ESRRG: variants seen among roughly 807,000 people sequenced by gnomAD.
The protein encoded by ESRRG is estrogen related receptor gamma, also known as estrogen-related receptor gamma.
A neutral mutation model predicts 44.0 loss-of-function variants in ESRRG; 13 were observed. The observed-to-expected ratio is 0.30, with a 90% CI of 0.19 to 0.47. The LOEUF is 0.47. Ranked by LOEUF, ESRRG falls within the 20% of genes least tolerant of loss-of-function variation. The probability of loss-of-function intolerance (pLI) is 1.00; values close to 1 mark genes in which losing one functional copy is unlikely to be tolerated. For missense variants in ESRRG, 395 were observed against 580.6 expected, an observed-to-expected ratio of 0.68 and a Z score of 3.29; for synonymous variants, 215 against 214.6, an observed-to-expected ratio of 1.00 and a Z score of -0.02.
intron 2 of ESRRG, among the ~76,000 whole-genome samples, chr1:216,733,546 T>G (rs2089282223): frequency 6.6e-6 from 1 of 152,206 alleles, no homozygotes; most frequent in South Asian, 2.1e-4. Context: ...TGTTTATTTT[T>G]ACCATACTTA....
At chr1:217,040,211 G>A (rs533230151) in intron 1 of ESRRG, among the ~76,000 whole-genome samples, 1 of 152,242 alleles carries the variant, frequency 6.6e-6, no homozygotes, top group South Asian at 2.1e-4. Flanking sequence ...TGCAAAATGG[G>A]TTATTTAGAC....
chr1:216,568,017 G>A lies in ESRRG; in HGVS notation c.671C>T (p.Pro224Leu), dbSNP rs1409902413. The A allele has an allele frequency of 6.2e-7, 1 of 1,613,246 alleles. No individual in the cohort carries two copies. Residue 224 changes from proline (P) to leucine (L), a missense_variant, in exon 4 of 7, where the codon CCT (proline) becomes CTT (leucine). Physicochemically the swap from Pro to Leu is moderately conservative, Grantham distance 98 (BLOSUM62 -3). Transcript: ENST00000408911. ...CTTTTTGGCTGGCTGAACCAGCTGAGGGTTCAGGTATGGGCTGTTCTCCGC... is the reference window on the plus strand; with the variant it reads ...CTTTTTGGCTGGCTGAACCAGCTGAAGGTTCAGGTATGGGCTGTTCTCCGC... ...IDAENSPYLN[P>L]QLVQPAKKPY...
chr1:216,958,881 C>T (rs983876124), intron 1 of ESRRG, among the ~76,000 whole-genome samples: 4 of 152,112 alleles, frequency 2.6e-5, no homozygotes, highest in Non-Finnish European at 5.9e-5. Context: ...AGAGATCCAC[C>T]TGCCTGTTTT....
intron 1 of ESRRG, among the ~76,000 whole-genome samples, chr1:216,971,303 C>T (rs914149276): frequency 1.3e-5 from 2 of 152,196 alleles, no homozygotes; most frequent in African/African-American, 4.8e-5. Flanking sequence ...CATTGCATAA[C>T]TGCAGAATGG....
At chr1:217,003,554 A>C (rs1403633999) in intron 1 of ESRRG, among the ~76,000 whole-genome samples, 2 of 135,084 alleles carry the variant, frequency 1.5e-5, no homozygotes, top group Non-Finnish European at 3.1e-5. Context: ...TTAGGCTTGA[A>C]ATATTAGTAT....
chr1:216,729,789 C>A lies in ESRRG; in HGVS notation c.-13-52298G>T, dbSNP rs140666703. ...CATCCCTCTACTCTAGCAGTTCAGTCAATAATGCTGTTGATTTTATTACTA... is the reference window on the plus strand; with the variant it reads ...CATCCCTCTACTCTAGCAGTTCAGTAAATAATGCTGTTGATTTTATTACTA... On this transcript the variant is annotated intron_variant, in intron 2 of 7. Coordinates refer to the ESRRG transcript ENST00000359162. Among the ~76,000 whole-genome samples the A allele has an allele frequency of 1.8e-3, 267 of 152,238 alleles. 7 individuals carry two copies. The East Asian group carries it at 0.041, about 23-fold the overall frequency.
chr1:216,912,183 A>AAGAAGAGAAG (rs1560083326), intron 2 of ESRRG, among the ~76,000 whole-genome samples: 1 of 21,156 alleles, frequency 4.7e-5, no homozygotes, highest in Non-Finnish European at 7.9e-5. Flanking sequence ...AAGAAAAGAA[A>AAGAAGAGAAG]AGGAGAGGAG....
rs1279442495 is a variant in ESRRG, at chr1:216,877,392, TG to T, written c.-14+62189del. Among the ~76,000 whole-genome samples, 793 of 146,530 alleles carry T rather than the reference TG, an allele frequency of 5.4e-3. 12 individuals are homozygous for T. Among genetic ancestry groups the T allele is most frequent in the Middle Eastern group, 0.017 (5 of 286 alleles). On this transcript the variant is annotated intron_variant, in intron 2 of 7. Coordinates refer to the ESRRG transcript ENST00000359162. ...TATAGGTATGGTGTTTTTTTTTGTT[TG>T]TTTGTTTGTTTGTTTGTTTGTTTGT...
chr1:216,819,107 A>G (rs866780364), intron 2 of ESRRG, among the ~76,000 whole-genome samples: 6 of 152,278 alleles, frequency 3.9e-5, no homozygotes, highest in Middle Eastern at 3.4e-3. Context: ...AAAATGATTC[A>G]TATTCCTTTA....
chr1:216,704,316 C>T (rs540162044), intron 1 of ESRRG, among the ~76,000 whole-genome samples: 1 of 152,218 alleles, frequency 6.6e-6, no homozygotes, highest in Admixed American at 6.5e-5. Context: ...GCGTTCAAGA[C>T]CAGCCTGGCC....
At chr1:216,947,221 A>T (rs1426612413) in intron 1 of ESRRG, among the ~76,000 whole-genome samples, 1 of 152,116 alleles carries the variant, frequency 6.6e-6, no homozygotes, top group Non-Finnish European at 1.5e-5. Context: ...TCTTCTCGGT[A>T]CACTCTTTGG....
upstream of ESRRG, among the ~76,000 whole-genome samples, chr1:217,092,554 C>T (rs1451294774): frequency 1.3e-5 from 2 of 152,162 alleles, no homozygotes; most frequent in Non-Finnish European, 2.9e-5. Flanking sequence ...ACCTACCTAC[C>T]TATTCAAACT....
intron 6 of ESRRG, among the ~76,000 whole-genome samples, chr1:216,516,076 A>C (rs2044174467): frequency 6.6e-6 from 1 of 152,164 alleles, no homozygotes; most frequent in Non-Finnish European, 1.5e-5. Flanking sequence ...TTACAATATT[A>C]AAATTGTGAC....
intron 1 of ESRRG, among the ~76,000 whole-genome samples, chr1:217,105,094 T>C (rs2092571738): frequency 6.6e-6 from 1 of 152,170 alleles, no homozygotes; most frequent in South Asian, 2.1e-4. Flanking sequence ...TTTAGCTCAA[T>C]TTGAGGCATG....
intron 2 of ESRRG, among the ~76,000 whole-genome samples, chr1:216,736,559 A>C (rs1348686086): frequency 1.3e-5 from 2 of 152,168 alleles, no homozygotes; most frequent in Non-Finnish European, 2.9e-5. Context: ...GAGTAAAAAT[A>C]CCATCTCTGA....
At chr1:216,967,460 A>G (rs2150246465) in intron 1 of ESRRG, among the ~76,000 whole-genome samples, 1 of 152,264 alleles carries the variant, frequency 6.6e-6, no homozygotes, top group Admixed American at 6.5e-5. Context: ...TGCCTTTTCT[A>G]GAAAGACATA....
chr1:217,033,178 G>A (rs1260258804), intron 1 of ESRRG, among the ~76,000 whole-genome samples: 1 of 152,194 alleles, frequency 6.6e-6, no homozygotes, highest in East Asian at 1.9e-4. Context: ...CCGATGCCCA[G>A]GACAGAGGGA....
chr1:216,898,211 A>T (rs182726767), intron 2 of ESRRG, among the ~76,000 whole-genome samples: 1 of 152,304 alleles, frequency 6.6e-6, no homozygotes, highest in Admixed American at 6.5e-5. Context: ...TTCTCCACTC[A>T]ATTTATGAGA....
At chr1:216,787,564 T>C (rs1033922949) in intron 2 of ESRRG, among the ~76,000 whole-genome samples, 2 of 131,806 alleles carry the variant, frequency 1.5e-5, no homozygotes, top group Non-Finnish European at 3.1e-5. Flanking sequence ...ATGATACTAC[T>C]GCACTCCAGC....
Sources: allele counts gnomAD v4.1 joint callset (sites outside exome capture counted in the v4.1 genomes callset), GRCh38; gene constraint gnomAD v4.1.1; transcripts MANE v1.5; gene names NCBI Gene and HGNC (gene_info 2026-07-23, HGNC 2026-07-21).